NHLRC2: variants seen among roughly 807,000 people sequenced by gnomAD.
NHLRC2 encodes NHL repeat containing 2.
In NHLRC2, 33 loss-of-function variants were observed where a neutral mutation model predicts 68.1. The observed-to-expected ratio is 0.48, with a 90% CI of 0.37 to 0.65. NHLRC2 has a LOEUF of 0.65. Ranked by LOEUF, NHLRC2 falls within the 30% of genes least tolerant of loss-of-function variation. NHLRC2 has a pLI of 0.00. For missense variants in NHLRC2, 761 were observed against 853.8 expected (o/e 0.89, Z 1.35); for synonymous variants, 311 against 309.6 (o/e 1.00, Z -0.05).
chr10:113,870,567 A>G (rs1845913172), intron 2 of NHLRC2, among the ~76,000 whole-genome samples: 1 of 152,222 alleles, frequency 6.6e-6, no homozygotes, highest in Admixed American at 6.5e-5. Flanking sequence ...CTCTTAGATC[A>G]TTCCATATTT....
intron 5 of NHLRC2, among the ~76,000 whole-genome samples, chr10:113,893,694 TTATC>T (rs1408216057): frequency 6.6e-6 from 1 of 152,124 alleles, no homozygotes; most frequent in Non-Finnish European, 1.5e-5. Context: ...TGCCCATACT[TTATC>T]TATCACTGGG....
At chr10:113,907,408 G>A (rs1846286406) in intron 10 of NHLRC2, among the ~76,000 whole-genome samples, 1 of 152,138 alleles carries the variant, frequency 6.6e-6, no homozygotes. Context: ...AATGTTCAGT[G>A]TTCTCCATTT....
At chr10:113,882,668 C>A (rs1185464722) in intron 4 of NHLRC2, among the ~76,000 whole-genome samples, 1 of 151,612 alleles carries the variant, frequency 6.6e-6, no homozygotes, top group African/African-American at 2.4e-5. Context: ...TAATCATGTT[C>A]TTTGATACAT....
intron 2 of NHLRC2, among the ~76,000 whole-genome samples, chr10:113,868,902 G>A (rs1845895982): frequency 6.6e-6 from 1 of 152,124 alleles, no homozygotes; most frequent in Non-Finnish European, 1.5e-5. Flanking sequence ...ACCCTATAAA[G>A]CAAAAGGAAT....
At chr10:113,866,160 A>G (rs938689676) in intron 2 of NHLRC2, among the ~76,000 whole-genome samples, 1 of 152,250 alleles carries the variant, frequency 6.6e-6, no homozygotes, top group Non-Finnish European at 1.5e-5. Context: ...GGCCAGTGCC[A>G]CTTTCACAGT....
chr10:113,877,731 T>C lies in NHLRC2; in HGVS notation c.787+755T>C, dbSNP rs138114922. On this transcript the variant is annotated intron_variant, in intron 3 of 10. Coordinates refer to ENST00000369301, the MANE Select transcript of NHLRC2 (RefSeq NM_198514.4). ...TCTTTGCAATCCTGCTTTAGTAATA[T>C]ATGCAGCATTAGTACATAAAGTAGA... Among the ~76,000 whole-genome samples the C allele has an allele frequency of 5.9e-3, 891 of 152,306 alleles. 9 individuals carry two copies. Among genetic ancestry groups the C allele is most frequent in the African/African-American group, 0.019 (804 of 41,586 alleles).
intron 1 of NHLRC2, among the ~76,000 whole-genome samples, chr10:113,856,012 C>T (rs1314754340): frequency 6.6e-6 from 1 of 152,160 alleles, no homozygotes. Context: ...TTGCTGGTTT[C>T]TTAGCTGTAC....
rs747116136 is a variant in NHLRC2 at position 113,904,904 on chromosome 10, G to A, written c.1792G>A (p.Ala598Thr). Residue 598 changes from alanine (A) to threonine (T), a missense_variant, in exon 10 of 11, where the codon GCT (alanine) becomes ACT (threonine). Physicochemically the swap from Ala to Thr is moderately conservative, Grantham distance 58. Transcript: ENST00000369301. ...QKTLPKLPKS[A>T]PSIRLSPVTA... ...GACATTACCCAAACTACCTAAATCTGCTCCAAGCATTAGGCTTTCCCCCGT... is the reference window on the plus strand; with the variant it reads ...GACATTACCCAAACTACCTAAATCTACTCCAAGCATTAGGCTTTCCCCCGT... 6.2e-7 allele frequency: 1 copy of A among 1,610,306 alleles called. No homozygotes were observed. Among genetic ancestry groups the A allele is most frequent in the Non-Finnish European group, 8.5e-7 (1 of 1,178,724 alleles).
chr10:113,880,613 A>G (rs923332423), intron 4 of NHLRC2, among the ~76,000 whole-genome samples: 3 of 151,856 alleles, frequency 2.0e-5, no homozygotes, highest in African/African-American at 7.2e-5. Flanking sequence ...TTATTTGACA[A>G]TATTTTCACT....
intron 6 of NHLRC2, among the ~76,000 whole-genome samples, 193 bp downstream of exon 6, chr10:113,898,402 C>T (rs1846195674): frequency 6.6e-6 from 1 of 152,236 alleles, no homozygotes; most frequent in Non-Finnish European, 1.5e-5. Context: ...CTGGGGAGCA[C>T]TCCTCTGTTG....
At position 113,908,532 on chromosome 10, in the gene NHLRC2, T is replaced by C; in HGVS notation, c.2177T>C (p.Phe726Ser). 6.2e-7 allele frequency: 1 copy of C among 1,613,882 alleles called. No homozygotes were observed. The highest frequency in any genetic ancestry group is 8.5e-7 in the Non-Finnish European group (1 of 1,179,870). The change falls in exon 11 of 11, where the codon TTT becomes TCT. Residue 726 changes from phenylalanine to serine, a missense_variant. Coordinates refer to ENST00000369301, the MANE Select transcript of NHLRC2 (RefSeq NM_198514.4). ...GCTCCAGTAGAGCTCAGGTATGTAT[T>C]TTAGCCAGCCAGCTAGCTAGCAACC... ...CIAPVELRYV[F>S]
At chr10:113,896,776 C>T (rs1238452862) in intron 5 of NHLRC2, among the ~76,000 whole-genome samples, 4 of 152,104 alleles carry the variant, frequency 2.6e-5, no homozygotes, top group South Asian at 2.1e-4. Context: ...GGGCAGATCA[C>T]GAGGTTAGGA....
intron 9 of NHLRC2, among the ~76,000 whole-genome samples, chr10:113,904,388 G>A (rs1846255434): frequency 6.6e-6 from 1 of 151,858 alleles, no homozygotes; most frequent in South Asian, 2.1e-4. Context: ...AATTTGCACG[G>A]TATATTTTTA....
At chr10:113,899,444 T>TA (rs1382053759) in intron 6 of NHLRC2, among the ~76,000 whole-genome samples, 2 of 152,242 alleles carry the variant, frequency 1.3e-5, no homozygotes, top group Non-Finnish European at 2.9e-5. Flanking sequence ...TGGACACACT[T>TA]ATGTAATGTT....
At position 113,913,464 on chromosome 10, in the gene NHLRC2, T is replaced by C. The variant is rs1218774393; in HGVS notation, c.*4928T>C. The stretch of plus-strand genomic sequence containing the variant: ...TACTTTTTCTTAATTTCAGATATTA[T>C]CCAGAGTTTTTCTTGGCAGATGGAT... On this transcript the variant is annotated 3_prime_UTR_variant, in exon 11 of 11. Coordinates refer to ENST00000369301, the MANE Select transcript of NHLRC2 (RefSeq NM_198514.4). 2 of 152,172 alleles carry C rather than the reference T, an allele frequency of 1.3e-5. No individual in the cohort carries two copies. The highest frequency in any genetic ancestry group is 2.9e-5 in the Non-Finnish European group (2 of 68,024). 9.4% of individuals were successfully genotyped at this position (152,172 alleles called of 1,614,324 possible).
At chr10:113,896,689 GA>G (rs1206134819) in intron 5 of NHLRC2, among the ~76,000 whole-genome samples, 10 of 151,458 alleles carry the variant, frequency 6.6e-5, no homozygotes, top group East Asian at 5.8e-4. Flanking sequence ...ATAAATAAAA[GA>G]AAAAAAAGTA....
At chr10:113,855,105 G>T in intron 1 of NHLRC2, 55 bp downstream of exon 1, 2 of 1,455,780 alleles carry the variant, frequency 1.4e-6, no homozygotes, top group African/African-American at 2.8e-5. Flanking sequence ...CTTCCTCGGG[G>T]ACGGCGCCCT....
chr10:113,877,748 TA>T (rs1360324799), intron 3 of NHLRC2, among the ~76,000 whole-genome samples: 1 of 152,174 alleles, frequency 6.6e-6, no homozygotes, highest in East Asian at 1.9e-4. Flanking sequence ...CATTAGTACA[TA>T]AAGTAGAAAT....
intron 2 of NHLRC2, among the ~76,000 whole-genome samples, chr10:113,865,114 T>A (rs1189806116): frequency 2.0e-5 from 3 of 151,914 alleles, no homozygotes; most frequent in African/African-American, 7.3e-5. Flanking sequence ...CACGCCCAGC[T>A]AATTTTTTGT....
Sources: gnomAD v4.1 joint callset for allele counts (sites outside exome capture counted in the v4.1 genomes callset) on GRCh38, gnomAD v4.1.1 for gene constraint, MANE v1.5 for transcripts, NCBI Gene and HGNC (gene_info 2026-07-23, HGNC 2026-07-21) for gene names.